PSTPIP1: variants seen among roughly 807,000 people sequenced by gnomAD.
The protein encoded by PSTPIP1 is proline-serine-threonine phosphatase-interacting protein 1.
PSTPIP1 carries 66 observed loss-of-function variants against 69.6 expected under a neutral mutation model. That is an observed-to-expected ratio of 0.95 (90% CI 0.78 to 1.16). PSTPIP1 has a LOEUF of 1.16. PSTPIP1 is among the 50% of genes most tolerant of loss of function. The probability of loss-of-function intolerance (pLI) is 0.00; values close to 1 mark genes in which losing one functional copy is unlikely to be tolerated. For missense variants in PSTPIP1, 603 were observed against 557.4 expected (o/e 1.08, Z -0.82); for synonymous variants, 266 against 222.7 (o/e 1.19, Z -1.73).
rs1286754023 is a variant in PSTPIP1, at chr15:76,995,477, A to G, written c.-97A>G. On this transcript the variant is annotated 5_prime_UTR_variant, in exon 1 of 15. Coordinates refer to ENST00000558012, the MANE Select transcript of PSTPIP1 (RefSeq NM_003978.5). The stretch of plus-strand genomic sequence containing the variant: ...CCGGCCGGGAAGGGGGGCCTGGGCC[A>G]GCCCTGCCAGGACTGGGACGCTGCT... The G allele has an allele frequency of 6.2e-7, 1 of 1,600,894 alleles. No homozygotes were observed. Among genetic ancestry groups the G allele is most frequent in the African/African-American group, 1.3e-5 (1 of 74,696 alleles).
intron 3 of PSTPIP1, among the ~76,000 whole-genome samples, chr15:77,019,701 T>G (rs913821118): frequency 1.8e-4 from 27 of 152,094 alleles, no homozygotes; most frequent in African/African-American, 6.3e-4. Flanking sequence ...CGAGCTGCCG[T>G]GCAAATCAAC....
chr15:77,028,000 G>T lies in PSTPIP1; in HGVS notation c.417+86G>T. 5 of 1,266,934 alleles carry T rather than the reference G, an allele frequency of 3.9e-6. No individual in the cohort carries two copies. The South Asian group carries it at 6.5e-5, about 16-fold the overall frequency. The allele number at this position is 1,266,934 out of a possible 1,614,324, so 78.5% of individuals were successfully genotyped here. ...CGATCCTGGGCTGTGGCCCCGGGCA[G>T]GGCATTTGGAACAGGCTGACCTCAG... is the stretch of plus-strand genomic sequence containing the variant. On this transcript the variant is annotated intron_variant, in intron 6 of 14. Coordinates refer to ENST00000558012, the MANE Select transcript of PSTPIP1 (RefSeq NM_003978.5). This position sits in a 1 kb window ranked among gnomAD's most constrained non-coding sequence, Gnocchi z 4.3.
intron 6 of PSTPIP1, 54 bp from the exon 7 acceptor site, chr15:77,028,500 G>A: frequency 3.5e-6 from 5 of 1,443,476 alleles, no homozygotes; most frequent in Middle Eastern, 1.8e-4. Context: ...TCACTCCCGG[G>A]GACCACAGAA....
chr15:77,001,100 T>G (rs2075698839), intron 1 of PSTPIP1, among the ~76,000 whole-genome samples: 1 of 152,228 alleles, frequency 6.6e-6, no homozygotes, highest in African/African-American at 2.4e-5. Flanking sequence ...GTGACCATGC[T>G]GTGATTTTTT....
chr15:77,001,525 C>T (rs1229201814), intron 1 of PSTPIP1, among the ~76,000 whole-genome samples: 1 of 152,208 alleles, frequency 6.6e-6, no homozygotes, highest in South Asian at 2.1e-4. Flanking sequence ...GAGGAGTGGC[C>T]CTGGTGCACT....
intron 1 of PSTPIP1, among the ~76,000 whole-genome samples, chr15:77,014,240 G>T (rs1426124834): frequency 1.3e-5 from 2 of 152,166 alleles, no homozygotes; most frequent in African/African-American, 4.8e-5. Context: ...ATCACCCCTA[G>T]CCCAGTATCT....
At chr15:77,015,097 A>G (rs1159960548) in intron 1 of PSTPIP1, among the ~76,000 whole-genome samples, 1 of 152,206 alleles carries the variant, frequency 6.6e-6, no homozygotes, top group South Asian at 2.1e-4. Context: ...CCTGGGCCCC[A>G]GGCTAGCCTC....
In PSTPIP1 at chr15:77,032,378, G is replaced by C. The variant is rs760300353; in HGVS notation, c.822G>C (p.Thr274=). 1.2e-5 allele frequency: 20 copies of C among 1,612,680 alleles called. No individual in the cohort carries two copies. Among genetic ancestry groups the C allele is most frequent in the East Asian group, 6.7e-5 (3 of 44,886 alleles). Residue 274 remains threonine, a synonymous_variant, in exon 11 of 15, where the codon ACG becomes ACC. Transcript: ENST00000558012. ...ACAGTTTCATCCAGGCCAAGAGCAC[G>C]GGCACAGAGCCCCCCGGTGAGGTCC... The part of the protein sequence containing the change: ...DIDSFIQAKS[T]GTEPPAPVPY...
chr15:77,030,460 A>G, intron 8 of PSTPIP1, 42 bp from the exon 9 acceptor site: 1 of 1,591,460 alleles, frequency 6.3e-7, no homozygotes, highest in Non-Finnish European at 8.6e-7. Context: ...GGGGTGGAGG[A>G]GCTCGTGTCA....
chr15:77,018,607 C>G (rs943824803), intron 3 of PSTPIP1, 76 bp downstream of exon 3: 16 of 1,409,800 alleles, frequency 1.1e-5, no homozygotes, highest in Non-Finnish European at 1.5e-5. Flanking sequence ...AGGTTTAGGT[C>G]TTCCTGGCAT....
At chr15:77,007,861 T>C in intron 1 of PSTPIP1, 1 of 455,412 alleles carries the variant, frequency 2.2e-6, no homozygotes, top group African/African-American at 2.0e-5. Flanking sequence ...CCCAAAGTGC[T>C]GGGATTACAA....
chr15:76,996,693 G>A (rs2075588471), intron 1 of PSTPIP1, among the ~76,000 whole-genome samples: 1 of 152,254 alleles, frequency 6.6e-6, no homozygotes, highest in Non-Finnish European at 1.5e-5. Flanking sequence ...TGTACAGTAG[G>A]CAAAGGACCC....
At chr15:77,032,483 C>G (rs780773859) in intron 11 of PSTPIP1, 89 bp downstream of exon 11, 1 of 1,401,934 alleles carries the variant, frequency 7.1e-7, no homozygotes, top group Non-Finnish European at 1.0e-6. Flanking sequence ...CAGGACCGGG[C>G]TGGGGTAGCT....
intron 3 of PSTPIP1, among the ~76,000 whole-genome samples, chr15:77,020,053 G>C (rs2076130738): frequency 6.6e-6 from 1 of 152,198 alleles, no homozygotes; most frequent in African/African-American, 2.4e-5. Context: ...GGCTGGAGTG[G>C]GTCTGTGTGA....
intron 1 of PSTPIP1, chr15:77,015,913 C>A (rs1232123876): frequency 1.5e-5 from 7 of 455,686 alleles, no homozygotes; most frequent in Admixed American, 1.4e-4. Flanking sequence ...GATCCTGGAG[C>A]CTGCAGCCTC....
chr15:77,021,975 G>A (rs184404010), intron 3 of PSTPIP1, among the ~76,000 whole-genome samples: 1 of 152,362 alleles, frequency 6.6e-6, no homozygotes, highest in African/African-American at 2.4e-5. Flanking sequence ...GGAAACAAAG[G>A]AAAACCAAGG....
intron 14 of PSTPIP1, among the ~76,000 whole-genome samples, chr15:77,036,662 T>C (rs1159562311): frequency 6.6e-6 from 1 of 151,630 alleles, no homozygotes; most frequent in East Asian, 1.9e-4. Flanking sequence ...AGTGATGGGG[T>C]ACTTGGATGG....
chr15:77,007,952 C>T (rs2075850550), intron 1 of PSTPIP1: 2 of 455,786 alleles, frequency 4.4e-6, no homozygotes, highest in Admixed American at 2.4e-5. Flanking sequence ...CCTTCTTGGT[C>T]ACCTCCTGAA....
chr15:77,005,386 T>TCAAAA lies in PSTPIP1; in HGVS notation c.36+9793_36+9797dup, dbSNP rs1201758025. Among the ~76,000 whole-genome samples, 4 of 152,212 alleles carry TCAAAA rather than the reference T, an allele frequency of 2.6e-5. No homozygotes were observed. The South Asian group carries it at 8.3e-4, about 32-fold the overall frequency. ...GGGCAACAAGAGCAAACACTCAATA[T>TCAAAA]CAAAACAAAACAAAACAAAAATTAC... On this transcript the variant is annotated intron_variant, in intron 1 of 14. Coordinates refer to ENST00000558012, the MANE Select transcript of PSTPIP1 (RefSeq NM_003978.5).
Sources: gnomAD v4.1 joint callset for allele counts (sites outside exome capture counted in the v4.1 genomes callset) on GRCh38, gnomAD v4.1.1 for gene constraint, Gnocchi (gnomAD v3.1) non-coding constraint, MANE v1.5 for transcripts, NCBI Gene and HGNC (gene_info 2026-07-23, HGNC 2026-07-21) for gene names.